The following LBX2 variants were observed in gnomAD, a reference collection of about 807,000 sequenced individuals.
The protein encoded by LBX2 is transcription factor LBX2.
Under a neutral mutation model 7.5 loss-of-function variants are expected in LBX2, and 6 were observed. That is an observed-to-expected ratio of 0.80 (90% CI 0.44 to 1.59). LBX2 has a LOEUF of 1.59. LBX2 is among the 40% of genes most tolerant of loss of function. LBX2 has a pLI of 0.01. For missense variants in LBX2, 281 were observed against 282.0 expected, an observed-to-expected ratio of 1.00 and a Z score of 0.03; for synonymous variants, 143 against 133.2, an observed-to-expected ratio of 1.07 and a Z score of -0.51.
At position 74,498,225 on chromosome 2, in the gene LBX2, A is replaced by G. The variant is rs1169443630; in HGVS notation, c.299T>C (p.Leu100Pro). Residue 100 changes from leucine (L) to proline (P), a missense_variant, in exon 2 of 2, where the codon CTG (leucine) becomes CCG (proline). Leu to Pro is a moderately conservative substitution (Grantham distance 98). Transcript: ENST00000377566. ...TAFTAQQVLELERRFVFQKYL... is the reference protein window; with the variant it reads ...TAFTAQQVLEPERRFVFQKYL... Reference sequence around the variant, plus strand: ...CTTCTGGAAGACGAAGCGCCGCTCCAGCTCCAGCACCTGTTGCGCGGTGAA... The same window carrying G: ...CTTCTGGAAGACGAAGCGCCGCTCCGGCTCCAGCACCTGTTGCGCGGTGAA... The G allele has an allele frequency of 3.7e-6, 6 of 1,608,906 alleles. No homozygotes were observed. The highest frequency in any genetic ancestry group is 1.3e-5 in the African/African-American group (1 of 74,944).
chr2:74,499,512 G>A lies in LBX2; in HGVS notation c.26C>T (p.Thr9Ile). Residue 9 changes from threonine to isoleucine, a missense_variant, in exon 1 of 2, where the codon ACA becomes ATA. Thr to Ile is a moderately conservative substitution (Grantham distance 89). Transcript: ENST00000377566. This position sits in a 1 kb window ranked among gnomAD's most constrained non-coding sequence, Gnocchi z 4.6. ...TGCGATGCTTAAGAGTGTCCGGGGT[G>A]TTCGGGGCTCGCGTCCCGAGTTCAT... MNSGREPR[T>I]PRTLLSIADI... is the part of the protein sequence containing the mutation. The A allele has an allele frequency of 6.5e-7, 1 of 1,549,306 alleles. No individual in the cohort carries two copies. The highest frequency in any genetic ancestry group is 2.4e-5 in the East Asian group (1 of 40,900).
chr2:74,497,983 C>T lies in LBX2; in HGVS notation c.541G>A (p.Ala181Thr). ...APDPGLCLGPAGPDSRPHLSD... is the reference protein window; with the variant it reads ...APDPGLCLGPTGPDSRPHLSD... ...AGGTGGGGCCGGGAGTCAGGGCCGG[C>T]AGGGCCGAGGCAGAGGCCGGGATCT... Residue 181 changes from alanine to threonine, a missense_variant, in exon 2 of 2, where the codon GCC becomes ACC. By Grantham distance (58) the Ala-to-Thr change is moderately conservative. Around this residue, in one of 3 missense-constraint regions of LBX2, gnomAD observed 59 missense variants for 52.9 expected, o/e 1.11. Coordinates refer to ENST00000377566, the MANE Select transcript of LBX2 (RefSeq NM_001282430.2). 1 of 1,605,476 alleles carries T rather than the reference C, an allele frequency of 6.2e-7. No individual in the cohort carries two copies. The highest frequency in any genetic ancestry group is 8.5e-7 in the Non-Finnish European group (1 of 1,174,124).
upstream of LBX2, chr2:74,502,624 G>A (rs764470306): frequency 1.3e-6 from 2 of 1,574,096 alleles, no homozygotes; most frequent in South Asian, 2.2e-5. This position sits in a 1 kb window ranked among gnomAD's most constrained non-coding sequence, Gnocchi z 5.4. Flanking sequence ...TTCAGAAAGC[G>A]CTACTGCGGA....
At position 74,498,169 on chromosome 2, in the gene LBX2, C is replaced by G; in HGVS notation, c.355G>C (p.Ala119Pro). 1.9e-6 allele frequency: 3 copies of G among 1,612,628 alleles called. No individual in the cohort carries two copies. Among genetic ancestry groups the G allele is most frequent in the Non-Finnish European group, 1.7e-6 (2 of 1,179,502 alleles). ...GCGTTGGCCAGGCCGAGTCGCGTAG[C>G]TAGCCCGTCTCGCTCGGACGGCGCC... The part of the protein sequence containing the change: ...YLAPSERDGL[A>P]TRLGLANAQV... The change falls in exon 2 of 2, where the codon GCT becomes CCT. Residue 119 changes from alanine to proline, a missense_variant. Ala to Pro is a conservative substitution (Grantham distance 27). Around this residue, in one of 3 missense-constraint regions of LBX2, gnomAD observed 216 missense variants for 208.7 expected, o/e 1.03. Coordinates refer to ENST00000377566, the MANE Select transcript of LBX2 (RefSeq NM_001282430.2).
At chr2:74,498,460 G>A (rs916133147) in intron 1 of LBX2, 142 bp from the exon 2 acceptor site, 4 of 699,342 alleles carry the variant, frequency 5.7e-6, no homozygotes, top group Non-Finnish European at 9.3e-6. Context: ...CCAGAACTGT[G>A]ATCCCTTATC....
Sources: gnomAD v4.1 joint callset for allele counts on GRCh38, gnomAD v4.1.1 for gene constraint, gnomAD v4.1.1 regional missense constraint, Gnocchi (gnomAD v3.1) non-coding constraint, MANE v1.5 for transcripts, NCBI Gene and HGNC (gene_info 2026-07-23, HGNC 2026-07-21) for gene names.